POLN: variants seen among roughly 807,000 people sequenced by gnomAD.
POLN encodes the protein DNA polymerase N.
In POLN, 108 loss-of-function variants were observed where a neutral mutation model predicts 113.5. The observed-to-expected ratio is 0.95, with a 90% CI of 0.81 to 1.12. POLN has a LOEUF of 1.12. Among genes scored for constraint, POLN ranks in the 50% most tolerant of loss-of-function variants. The probability of loss-of-function intolerance (pLI) is 0.00; values close to 1 mark genes in which losing one functional copy is unlikely to be tolerated. For synonymous variants in POLN, 386 were observed against 391.5 expected, an observed-to-expected ratio of 0.99 and a Z score of 0.17; for missense variants, 1,097 against 1,077.1, an observed-to-expected ratio of 1.02 and a Z score of -0.26.
At chr4:2,144,908 T>C (rs1299346650) in intron 16 of POLN, among the ~76,000 whole-genome samples, 1 of 152,206 alleles carries the variant, frequency 6.6e-6, no homozygotes, top group Non-Finnish European at 1.5e-5. Context: ...AATACACATC[T>C]GTAATGAAAC....
At chr4:2,073,858 G>A (rs756905689) in intron 24 of POLN, among the ~76,000 whole-genome samples, 57 of 152,196 alleles carry the variant, frequency 3.7e-4, no homozygotes, top group Admixed American at 9.8e-4. Flanking sequence ...CAGGGCCAGC[G>A]GCCACCCAAG....
intron 20 of POLN, among the ~76,000 whole-genome samples, chr4:2,094,284 G>A (rs2108698860): frequency 6.9e-6 from 1 of 144,628 alleles, no homozygotes; most frequent in Non-Finnish European, 1.5e-5. Context: ...TGGAGGTTGA[G>A]CCAATTTTGT....
chr4:2,075,758 C>T (rs983580976), intron 23 of POLN, among the ~76,000 whole-genome samples: 1 of 152,184 alleles, frequency 6.6e-6, no homozygotes, highest in African/African-American at 2.4e-5. Context: ...CCCACTGTCA[C>T]CAGGACAGCT....
At chr4:2,228,561 T>C in intron 3 of POLN, 1 of 170,984 alleles carries the variant, frequency 5.8e-6, no homozygotes, top group Non-Finnish European at 1.3e-5. Context: ...ATGGTCTCGA[T>C]CTCCTGACCT....
chr4:2,089,686 T>G (rs1278926054), intron 20 of POLN: 2 of 696,704 alleles, frequency 2.9e-6, no homozygotes, highest in Non-Finnish European at 4.8e-6. Context: ...TGGAATGTTT[T>G]AAAAATCAGA....
At chr4:2,199,342 T>A (rs530249306) in intron 5 of POLN, among the ~76,000 whole-genome samples, 5 of 152,250 alleles carry the variant, frequency 3.3e-5, no homozygotes, top group African/African-American at 1.2e-4. Flanking sequence ...CATAATAATG[T>A]TTGTCCTTTA....
intron 3 of POLN, among the ~76,000 whole-genome samples, chr4:2,217,253 G>A (rs751538817): frequency 6.6e-6 from 1 of 152,186 alleles, no homozygotes; most frequent in Non-Finnish European, 1.5e-5. Flanking sequence ...ACCACCCAAC[G>A]TTCTACCCAT....
chr4:2,173,715 C>A (rs1732923745), intron 11 of POLN, among the ~76,000 whole-genome samples: 1 of 152,084 alleles, frequency 6.6e-6, no homozygotes, highest in Admixed American at 6.6e-5. Context: ...AAAAACGTAA[C>A]TTTTGAGGAG....
At chr4:2,116,856 T>C (rs1731328780) in intron 19 of POLN, among the ~76,000 whole-genome samples, 1 of 152,232 alleles carries the variant, frequency 6.6e-6, no homozygotes, top group Admixed American at 6.5e-5. Flanking sequence ...AGGGCACATA[T>C]TCTCTGCAAC....
At chr4:2,080,013 G>T in intron 23 of POLN, 2 of 985,502 alleles carry the variant, frequency 2.0e-6, no homozygotes, top group South Asian at 9.4e-5. Context: ...AGACCCCCAC[G>T]GGACTGTCGC....
intron 19 of POLN, among the ~76,000 whole-genome samples, chr4:2,107,503 A>C (rs1323750611): frequency 6.6e-6 from 1 of 152,220 alleles, no homozygotes; most frequent in East Asian, 1.9e-4. Flanking sequence ...AGCTGACTGA[A>C]TCTTAGAGAG....
Position 2,229,209 on chromosome 4 carries a change from A to G in POLN, c.23T>C (p.Val8Ala). Residue 8 changes from valine to alanine, a missense_variant, in exon 3 of 26, where the codon GTA becomes GCA. Physicochemically the swap from Val to Ala is moderately conservative, Grantham distance 64 (BLOSUM62 0). Transcript: ENST00000511885. Reference protein sequence around the residue: MENYEALVGFDLCNTPLS... With the variant: MENYEALAGFDLCNTPLS... Reference sequence around the variant, plus strand: ...CGGTGTATTACAGAGATCAAAGCCTACCAATGCCTCATAATTTTCCATTTT... The same window carrying G: ...CGGTGTATTACAGAGATCAAAGCCTGCCAATGCCTCATAATTTTCCATTTT... 3 of 1,602,346 alleles carry G rather than the reference A, an allele frequency of 1.9e-6. No individual in the cohort carries two copies. Among genetic ancestry groups the G allele is most frequent in the Non-Finnish European group, 2.6e-6 (3 of 1,174,946 alleles).
intron 16 of POLN, among the ~76,000 whole-genome samples, chr4:2,155,084 G>A (rs908171439): frequency 2.0e-5 from 3 of 152,154 alleles, no homozygotes; most frequent in African/African-American, 7.2e-5. Context: ...ACTTATAACT[G>A]CATAAAAACA....
rs541608171 is a variant in POLN at position 2,189,812 on chromosome 4, C to T, written c.1021+3392G>A. On this transcript the variant is annotated intron_variant, in intron 7 of 25. Transcript: ENST00000511885. ...TTAGGAGACCAAGGCGGGTGGATCACGAGGTCAGGAGATCAAGACCATCCT... is the reference window on the plus strand; with the variant it reads ...TTAGGAGACCAAGGCGGGTGGATCATGAGGTCAGGAGATCAAGACCATCCT... Among the ~76,000 whole-genome samples, 306 of 151,456 alleles carry T rather than the reference C, an allele frequency of 2.0e-3. 2 individuals carry two copies. Among genetic ancestry groups the T allele is most frequent in the Non-Finnish European group, 3.6e-3 (243 of 67,840 alleles).
At chr4:2,091,372 G>A (rs1730658440) in intron 20 of POLN, among the ~76,000 whole-genome samples, 1 of 152,260 alleles carries the variant, frequency 6.6e-6, no homozygotes, top group South Asian at 2.1e-4. Context: ...GAGAGCGGAC[G>A]GTGTGGTGGC....
In POLN at chr4:2,133,979, C is replaced by T. The variant is rs77733071; in HGVS notation, c.1732-2689G>A. On this transcript the variant is annotated intron_variant, in intron 16 of 25. Transcript: ENST00000511885. ...TACAAAATAGTTTTACCGCCCTAAA[C>T]GATCCCCGGAGCTTTACTTATCCAA... 6.4e-3 allele frequency among the ~76,000 whole-genome samples: 975 copies of T among 152,324 alleles called. 10 individuals are homozygous for T. Among genetic ancestry groups the T allele is most frequent in the African/African-American group, 0.022 (916 of 41,566 alleles).
chr4:2,088,849 A>T, intron 20 of POLN: 2 of 1,474,276 alleles, frequency 1.4e-6, no homozygotes, highest in Non-Finnish European at 1.8e-6. Flanking sequence ...TACTATAAAG[A>T]AAAGTCTTAC....
intron 8 of POLN, chr4:2,177,139 G>C: frequency 3.6e-6 from 1 of 276,550 alleles, no homozygotes; most frequent in Non-Finnish European, 7.3e-6. Flanking sequence ...CCACCTGGCA[G>C]AATTCTACCT....
At chr4:2,237,250 T>A (rs995011146) in intron 2 of POLN, among the ~76,000 whole-genome samples, 1 of 150,978 alleles carries the variant, frequency 6.6e-6, no homozygotes. Flanking sequence ...TGGCAACATA[T>A]TGAAGCCCCA....
Sources: allele counts gnomAD v4.1 joint callset (sites outside exome capture counted in the v4.1 genomes callset), GRCh38; gene constraint gnomAD v4.1.1; transcripts MANE v1.5; gene names NCBI Gene and HGNC (gene_info 2026-07-23, HGNC 2026-07-21).